The following CFAP206 variants were observed in gnomAD, a reference collection of about 807,000 sequenced individuals.
The protein encoded by CFAP206 is cilia- and flagella-associated protein 206.
In CFAP206, 53 loss-of-function variants were observed where a neutral mutation model predicts 65.4. The observed-to-expected ratio is 0.81, with a 90% confidence interval of 0.65 to 1.02. CFAP206 has a LOEUF of 1.02. Among genes scored for constraint, CFAP206 ranks in the 50% least tolerant of loss-of-function variants. CFAP206 has a pLI of 0.00. For synonymous variants in CFAP206, 250 were observed against 254.4 expected, an observed-to-expected ratio of 0.98 and a Z score of 0.17; for missense variants, 663 against 753.2, an observed-to-expected ratio of 0.88 and a Z score of 1.40.
chr6:87,457,777 G>A (rs1277777184), intron 11 of CFAP206, among the ~76,000 whole-genome samples: 1 of 152,082 alleles, frequency 6.6e-6, no homozygotes, highest in Non-Finnish European at 1.5e-5. Context: ...AGATTTCTTG[G>A]GTCATTCCCC....
rs565785404 is a variant in CFAP206 at position 87,434,833 on chromosome 6, C to T, written c.1301-27C>T. 2.6e-6 allele frequency: 3 copies of T among 1,170,904 alleles called. No individual in the cohort carries two copies. The East Asian group carries it at 7.6e-5, about 30-fold the overall frequency. The allele number at this position is 1,170,904 out of a possible 1,614,324, so 72.5% of individuals were successfully genotyped here. ...TATTTCATAAGTGATCAAGACATTT[C>T]ATATCTAATTCTTTTTTTATTTTCA... is the stretch of plus-strand genomic sequence containing the variant. On this transcript the variant is annotated intron_variant, in intron 10 of 12. Transcript: ENST00000369562.
Position 87,454,853 on chromosome 6 carries a change from A to C in CFAP206, c.1495-6169A>C, listed in dbSNP as rs148624964. The stretch of plus-strand genomic sequence containing the variant: ...GAGTGAGACTCTGTCTCAAAAAAAA[A>C]AAAAAACAAAACAAAACAACAAAAA... On this transcript the variant is annotated intron_variant, in intron 11 of 12. Coordinates refer to ENST00000369562, the MANE Select transcript of CFAP206 (RefSeq NM_001031743.3). Among the ~76,000 whole-genome samples, 297 of 150,686 alleles carry C rather than the reference A, an allele frequency of 2.0e-3. 10 individuals are homozygous for C. In the East Asian group the frequency reaches 0.053, roughly 27 times the overall value.
At chr6:87,412,608 AAG>A (rs1183507651) in intron 3 of CFAP206, among the ~76,000 whole-genome samples, 3 of 152,120 alleles carry the variant, frequency 2.0e-5, no homozygotes, top group African/African-American at 7.2e-5. Context: ...AAATTTTGTG[AAG>A]AGAGGGGGGT....
intron 7 of CFAP206, 118 bp from the exon 8 acceptor site, chr6:87,426,408 T>A (rs1562246184): frequency 1.5e-6 from 1 of 663,368 alleles, no homozygotes; most frequent in Non-Finnish European, 2.4e-6. Flanking sequence ...GAGAACAGAC[T>A]TCCTGCTGTC....
chr6:87,453,718 G>A (rs1057066041), intron 11 of CFAP206, among the ~76,000 whole-genome samples: 6 of 151,796 alleles, frequency 4.0e-5, no homozygotes, highest in Non-Finnish European at 2.9e-5. Flanking sequence ...TGGTAACCTC[G>A]AATTTAAAAA....
In CFAP206 at chr6:87,417,312, G is replaced by A. The variant is rs115504060; in HGVS notation, c.631+485G>A. 5.6e-3 allele frequency among the ~76,000 whole-genome samples: 853 copies of A among 152,184 alleles called. 11 individuals carry two copies. Among genetic ancestry groups the A allele is most frequent in the African/African-American group, 0.02 (820 of 41,520 alleles). On this transcript the variant is annotated intron_variant, in intron 6 of 12. Transcript: ENST00000369562. Reference sequence around the variant, plus strand: ...TCTTTATAAGTTTGAAAGTACTTATGAAATATTTAATGAAGTACCTACCAG... The same window carrying A: ...TCTTTATAAGTTTGAAAGTACTTATAAAATATTTAATGAAGTACCTACCAG...
At chr6:87,415,430 G>A (rs1192750042) in intron 4 of CFAP206, 1 of 396,080 alleles carries the variant, frequency 2.5e-6, no homozygotes, top group African/African-American at 2.0e-5. Context: ...GATATCTCCT[G>A]TTTAGTTTGG....
chr6:87,428,818 C>G lies in CFAP206; in HGVS notation c.1153C>G (p.His385Asp). The G allele has an allele frequency of 1.2e-6, 2 of 1,613,002 alleles. No individual in the cohort carries two copies. The highest frequency in any genetic ancestry group is 1.7e-6 in the Non-Finnish European group (2 of 1,178,988). The change falls in exon 9 of 13, where the codon CAC becomes GAC. Residue 385 changes from histidine to aspartate, a missense_variant. Coordinates refer to ENST00000369562, the MANE Select transcript of CFAP206 (RefSeq NM_001031743.3). ...AACTGATGTGTGTAGAATGAAAGAA[C>G]ACATGGGTAATGAAAATCATCCATT... is the stretch of plus-strand genomic sequence containing the variant. Reference protein sequence around the residue: ...VKTDVCRMKEHMEDRVNVADF... With the variant: ...VKTDVCRMKEDMEDRVNVADF...
At chr6:87,443,861 T>A (rs1768395510) in intron 11 of CFAP206, among the ~76,000 whole-genome samples, 1 of 152,162 alleles carries the variant, frequency 6.6e-6, no homozygotes, top group Non-Finnish European at 1.5e-5. Flanking sequence ...TACTTATGAG[T>A]GAGAACATGT....
Position 87,415,870 on chromosome 6 carries a change from A to C in CFAP206, c.468A>C (p.Val156=). ...SPTDIKTVRE[V]TAALQSVFPQ... is the part of the protein sequence containing the mutation. ...CAGACATCAAGACTGTCAGAGAGGT[A>C]ACAGGTAAAAAGTATAACCAATTTC... The change falls in exon 5 of 13, where the codon GTA becomes GTC. Residue 156 remains valine (V), a synonymous_variant. Transcript: ENST00000369562. The C allele has an allele frequency of 6.5e-7, 1 of 1,537,646 alleles. No homozygotes were observed. Among genetic ancestry groups the C allele is most frequent in the Non-Finnish European group, 8.8e-7 (1 of 1,142,416 alleles).
intron 11 of CFAP206, chr6:87,441,949 C>T: frequency 3.6e-6 from 1 of 274,498 alleles, no homozygotes. Flanking sequence ...AAACGTGCTA[C>T]TGTCACTGAG....
At position 87,415,792 on chromosome 6, in the gene CFAP206, C is replaced by T; in HGVS notation, c.390C>T (p.Leu130=). 6.2e-7 allele frequency: 1 copy of T among 1,613,692 alleles called. No homozygotes were observed. Among genetic ancestry groups the T allele is most frequent in the Non-Finnish European group, 8.5e-7 (1 of 1,179,800 alleles). Residue 130 remains leucine (L), a synonymous_variant, in exon 5 of 13, where the codon CTC becomes CTT. Coordinates refer to ENST00000369562, the MANE Select transcript of CFAP206 (RefSeq NM_001031743.3). ...GTGCTAAAGAAGAATTGGAAAGCCT[C>T]TACCGGAAGATTATCAGCTATGTGT... is the stretch of plus-strand genomic sequence containing the variant. ...RACAKEELES[L]YRKIISYVLL...
At chr6:87,449,535 A>G (rs1034130065) in intron 11 of CFAP206, among the ~76,000 whole-genome samples, 5 of 151,838 alleles carry the variant, frequency 3.3e-5, no homozygotes, top group African/African-American at 1.2e-4. Context: ...TTTAACTGGA[A>G]TGAGATGATA....
rs1353996155 is a variant in CFAP206 at position 87,461,003 on chromosome 6, C to T, written c.1495-19C>T. The T allele has an allele frequency of 2.6e-6, 4 of 1,560,128 alleles. No individual in the cohort carries two copies. The African/African-American group carries it at 4.2e-5, about 16-fold the overall frequency. On this transcript the variant is annotated intron_variant, in intron 11 of 12. Transcript: ENST00000369562. ...GTTTATTTTTTACAAGCACTAACTACAAAACTCCACTTCTTTAGATGAGAG... is the reference window on the plus strand; with the variant it reads ...GTTTATTTTTTACAAGCACTAACTATAAAACTCCACTTCTTTAGATGAGAG...
At chr6:87,428,565 T>C in intron 8 of CFAP206, 61 bp from the exon 9 acceptor site, 1 of 1,420,114 alleles carries the variant, frequency 7.0e-7, no homozygotes, top group Non-Finnish European at 9.9e-7. Context: ...TCTTAAAGAG[T>C]ACAGTGATTT....
rs1341986625 is a variant in CFAP206 at position 87,448,053 on chromosome 6, C to T, written c.1495-12969C>T. 3.3e-5 allele frequency among the ~76,000 whole-genome samples: 5 copies of T among 151,588 alleles called. 1 individual carries two copies. In the South Asian group the frequency reaches 8.3e-4, roughly 25 times the overall value. ...CATGTGCCATGGTGGTTTGCTGCACCTATCAATCTGTTATCTACATTATGT... is the reference window on the plus strand; with the variant it reads ...CATGTGCCATGGTGGTTTGCTGCACTTATCAATCTGTTATCTACATTATGT... On this transcript the variant is annotated intron_variant, in intron 11 of 12. Coordinates refer to ENST00000369562, the MANE Select transcript of CFAP206 (RefSeq NM_001031743.3).
intron 11 of CFAP206, among the ~76,000 whole-genome samples, chr6:87,436,512 G>C (rs1442147425): frequency 6.6e-6 from 1 of 152,184 alleles, no homozygotes; most frequent in African/African-American, 2.4e-5. Flanking sequence ...GGAGCACAGA[G>C]GATGGTCTGA....
At chr6:87,456,876 G>A (rs912756335) in intron 11 of CFAP206, among the ~76,000 whole-genome samples, 31 of 152,070 alleles carry the variant, frequency 2.0e-4, no homozygotes, top group Admixed American at 2.0e-3. Flanking sequence ...GGCTGAAAAC[G>A]CAGTGGCTCA....
intron 11 of CFAP206, among the ~76,000 whole-genome samples, chr6:87,450,475 ATGTGTGTGTGTGTG>A (rs55870560): frequency 4.6e-5 from 6 of 130,402 alleles, no homozygotes; most frequent in Admixed American, 8.0e-5. Context: ...ATAAATGAAA[ATGTGTGTGTGTGTG>A]TGTGTGTGTG....
Sources: allele counts gnomAD v4.1 joint callset (sites outside exome capture counted in the v4.1 genomes callset), GRCh38; gene constraint gnomAD v4.1.1; transcripts MANE v1.5; gene names NCBI Gene and HGNC (gene_info 2026-07-23, HGNC 2026-07-21).